RAD51B: variants seen among roughly 807,000 people sequenced by gnomAD.
RAD51B encodes RAD51 paralog B.
In RAD51B, 38 loss-of-function variants were observed where a neutral mutation model predicts 42.2. The observed-to-expected ratio is 0.90, with a 90% CI of 0.70 to 1.18. The LOEUF (loss-of-function observed/expected upper bound fraction) is 1.18, where lower values mean the gene tolerates loss of function less well. Among genes scored for constraint, RAD51B ranks in the 50% most tolerant of loss-of-function variants. RAD51B has a pLI of 0.00. For missense variants in RAD51B, 373 were observed against 400.7 expected (o/e 0.93, Z 0.59); for synonymous variants, 154 against 145.2 (o/e 1.06, Z -0.43).
chr14:68,555,675 A>C (rs1266845820), intron 10 of RAD51B, among the ~76,000 whole-genome samples: 2 of 151,908 alleles, frequency 1.3e-5, no homozygotes, highest in African/African-American at 4.8e-5. Context: ...TGAGTTACTT[A>C]CTCACCCATC....
chr14:68,631,068 T>A (rs1595037715), intron 10 of RAD51B, among the ~76,000 whole-genome samples: 1 of 152,106 alleles, frequency 6.6e-6, no homozygotes. Flanking sequence ...ACGCTGAAAG[T>A]GGGATTATGT....
intron 7 of RAD51B, among the ~76,000 whole-genome samples, chr14:68,052,556 C>T (rs560121590): frequency 6.6e-6 from 1 of 151,838 alleles, no homozygotes; most frequent in Non-Finnish European, 1.5e-5. Flanking sequence ...TTTCTAGATA[C>T]CTTTATTCTT....
At chr14:67,879,876 A>G (rs1241133381) in intron 5 of RAD51B, among the ~76,000 whole-genome samples, 1 of 152,220 alleles carries the variant, frequency 6.6e-6, no homozygotes, top group Non-Finnish European at 1.5e-5. Context: ...CTTTGATACT[A>G]CACCAGGAAT....
intron 7 of RAD51B, among the ~76,000 whole-genome samples, chr14:68,140,960 T>G (rs1481150043): frequency 6.6e-6 from 1 of 152,220 alleles, no homozygotes; most frequent in Admixed American, 6.5e-5. Context: ...ATTGTCAAGG[T>G]GACCATATAA....
intron 10 of RAD51B, chr14:68,594,462 C>T (rs1176531117): frequency 7.3e-7 from 1 of 1,362,872 alleles, no homozygotes; most frequent in Non-Finnish European, 9.7e-7. Context: ...ACTTTGACTT[C>T]CTTTTTTTTC....
intron 10 of RAD51B, among the ~76,000 whole-genome samples, chr14:68,568,009 G>A (rs995898609): frequency 6.6e-6 from 1 of 152,176 alleles, no homozygotes; most frequent in Non-Finnish European, 1.5e-5. Flanking sequence ...AGTCCTTGGT[G>A]ATTGAATAAA....
At chr14:68,045,615 A>C (rs987687515) in intron 7 of RAD51B, among the ~76,000 whole-genome samples, 1 of 152,206 alleles carries the variant, frequency 6.6e-6, no homozygotes, top group Non-Finnish European at 1.5e-5. Context: ...TTTTAGAGAA[A>C]AGCATAAAAT....
chr14:68,504,177 G>A (rs565238677), intron 10 of RAD51B, among the ~76,000 whole-genome samples: 5 of 152,044 alleles, frequency 3.3e-5, no homozygotes, highest in Non-Finnish European at 7.4e-5. Flanking sequence ...GGATCGGGGC[G>A]CAATGACTCT....
intron 7 of RAD51B, among the ~76,000 whole-genome samples, chr14:67,891,515 A>G (rs1405093447): frequency 6.6e-6 from 1 of 152,278 alleles, no homozygotes; most frequent in South Asian, 2.1e-4. Context: ...GTTTTAAATC[A>G]TTAACAAATG....
intron 7 of RAD51B, among the ~76,000 whole-genome samples, chr14:68,258,628 T>C (rs1226657858): frequency 1.3e-5 from 2 of 152,090 alleles, no homozygotes. Context: ...TGTGTGTGTG[T>C]GCGTATGTAA....
intron 10 of RAD51B, among the ~76,000 whole-genome samples, chr14:68,556,499 G>A (rs1219858162): frequency 1.3e-5 from 2 of 152,218 alleles, no homozygotes; most frequent in Non-Finnish European, 2.9e-5. Context: ...GACCCCTGGG[G>A]GATGGGGAGA....
At chr14:68,159,083 A>T (rs1227377963) in intron 7 of RAD51B, among the ~76,000 whole-genome samples, 1 of 152,026 alleles carries the variant, frequency 6.6e-6, no homozygotes, top group Non-Finnish European at 1.5e-5. Context: ...TGCTCCCAAA[A>T]GGTTTGTTTT....
chr14:68,595,175 C>G (rs1890938391), exon 11 of RAD51B: 1 of 1,065,568 alleles, frequency 9.4e-7, no homozygotes, highest in Non-Finnish European at 1.1e-6. Context: ...ATTATCCACT[C>G]TAATGGAGCA....
chr14:68,134,269 T>C (rs2077963345), intron 7 of RAD51B, among the ~76,000 whole-genome samples: 2 of 152,326 alleles, frequency 1.3e-5, no homozygotes, highest in South Asian at 4.1e-4. Flanking sequence ...TGGTTATGTG[T>C]ATATAGAATT....
intron 9 of RAD51B, among the ~76,000 whole-genome samples, chr14:68,436,419 G>C (rs1213733717): frequency 6.6e-6 from 1 of 152,134 alleles, no homozygotes; most frequent in African/African-American, 2.4e-5. Context: ...TTGGGTTACT[G>C]TAGCATTATA....
chr14:68,328,597 T>C (rs1043671431), intron 8 of RAD51B, among the ~76,000 whole-genome samples: 5 of 152,084 alleles, frequency 3.3e-5, no homozygotes, highest in Non-Finnish European at 7.3e-5. Flanking sequence ...ACTTCAATTT[T>C]TCTTCTCCAT....
rs931368814 is a variant in RAD51B at position 68,638,470 on chromosome 14, G to T, written c.1037-12311G>T. Reference sequence around the variant, plus strand: ...GGAGAGGAATCCACAGATGGAAAAGGTCACACAGTTAGCCCTCTGAATGTG... The same window carrying T: ...GGAGAGGAATCCACAGATGGAAAAGTTCACACAGTTAGCCCTCTGAATGTG... On this transcript the variant is annotated intron_variant, in intron 10 of 11. Transcript: ENST00000488612. Among the ~76,000 whole-genome samples, 9 of 152,300 alleles carry T rather than the reference G, an allele frequency of 5.9e-5. No individual in the cohort carries two copies. In the East Asian group the frequency reaches 1.3e-3, roughly 23 times the overall value.
chr14:68,511,961 T>C (rs1031548182), intron 10 of RAD51B, among the ~76,000 whole-genome samples: 8 of 152,246 alleles, frequency 5.3e-5, no homozygotes, highest in African/African-American at 1.9e-4. Flanking sequence ...ATTTTGTTTC[T>C]TTGAAGTTTC....
intron 7 of RAD51B, among the ~76,000 whole-genome samples, chr14:68,133,938 C>CA (rs1239528106): frequency 6.6e-6 from 1 of 152,178 alleles, no homozygotes; most frequent in Non-Finnish European, 1.5e-5. Context: ...AGTACAGTAT[C>CA]AAAACCTGGA....
Sources: gnomAD v4.1 joint callset for allele counts (sites outside exome capture counted in the v4.1 genomes callset) on GRCh38, gnomAD v4.1.1 for gene constraint, MANE v1.5 for transcripts, NCBI Gene and HGNC (gene_info 2026-07-23, HGNC 2026-07-21) for gene names.